The following SIPA1L1 variants were observed in gnomAD, a reference collection of about 807,000 sequenced individuals.
The protein encoded by SIPA1L1 is signal induced proliferation associated 1 like 1.
A neutral mutation model predicts 162.7 loss-of-function variants in SIPA1L1; 26 were observed. That is an observed-to-expected ratio of 0.16 (90% CI 0.12 to 0.22). SIPA1L1 has a LOEUF of 0.22. Ranked by LOEUF, SIPA1L1 falls within the 10% of genes least tolerant of loss-of-function variation. The probability of loss-of-function intolerance (pLI) is 1.00; values close to 1 mark genes in which losing one functional copy is unlikely to be tolerated. For missense variants in SIPA1L1, 1,874 were observed against 2,241.0 expected, an observed-to-expected ratio of 0.84 and a Z score of 3.31; for synonymous variants, 829 against 837.4, an observed-to-expected ratio of 0.99 and a Z score of 0.17.
chr14:71,355,878 G>C (rs1200470783), intron 2 of SIPA1L1, among the ~76,000 whole-genome samples: 3 of 152,200 alleles, frequency 2.0e-5, no homozygotes, highest in African/African-American at 7.2e-5. Flanking sequence ...ATGAGTGTTG[G>C]TTGGGGTTTT....
chr14:71,367,219 A>G (rs1379571026), intron 2 of SIPA1L1, among the ~76,000 whole-genome samples: 1 of 149,906 alleles, frequency 6.7e-6, no homozygotes, highest in Non-Finnish European at 1.5e-5. Flanking sequence ...AGCTGTATAC[A>G]TTTTTTCATA....
At chr14:71,384,004 A>G (rs1289558519) in intron 2 of SIPA1L1, among the ~76,000 whole-genome samples, 1 of 152,074 alleles carries the variant, frequency 6.6e-6, no homozygotes, top group Non-Finnish European at 1.5e-5. Flanking sequence ...GGGCCCTTCC[A>G]TGGGCTCAGG....
chr14:71,649,453 A>G (rs2042444539), intron 7 of SIPA1L1, among the ~76,000 whole-genome samples: 1 of 152,160 alleles, frequency 6.6e-6, no homozygotes, highest in Non-Finnish European at 1.5e-5. Context: ...CAGCCTCCCA[A>G]AGTGCTGGGA....
At chr14:71,325,254 C>G (rs1241019741) in intron 2 of SIPA1L1, among the ~76,000 whole-genome samples, 1 of 152,056 alleles carries the variant, frequency 6.6e-6, no homozygotes, top group Non-Finnish European at 1.5e-5. Flanking sequence ...TTTTCTATGC[C>G]TAGCTAATCA....
intron 13 of SIPA1L1, among the ~76,000 whole-genome samples, chr14:71,688,138 T>G (rs996768353): frequency 1.3e-5 from 2 of 152,208 alleles, no homozygotes; most frequent in Non-Finnish European, 2.9e-5. Context: ...GTAAAAAATA[T>G]CTTTTAAGTT....
At position 71,470,113 on chromosome 14, in the gene SIPA1L1, G is replaced by A. The variant is rs1179770694; in HGVS notation, c.-464-42630G>A. 2.6e-5 allele frequency among the ~76,000 whole-genome samples: 4 copies of A among 152,186 alleles called. 1 individual carries two copies. Among genetic ancestry groups the A allele is most frequent in the African/African-American group, 9.7e-5 (4 of 41,440 alleles). On this transcript the variant is annotated intron_variant, in intron 2 of 23. Coordinates refer to ENST00000381232, the MANE Select transcript of SIPA1L1 (RefSeq NM_001386936.1). ...TTGAGACAGGGAAATGATTAAATCT[G>A]TAAGGTAACATTTCTTCACACCAAG...
At chr14:71,397,285 G>C (rs1445444172) in intron 2 of SIPA1L1, among the ~76,000 whole-genome samples, 2 of 152,034 alleles carry the variant, frequency 1.3e-5, no homozygotes, top group Admixed American at 1.3e-4. Flanking sequence ...TCCGTGTGTT[G>C]TCAGTTTTAT....
At chr14:71,461,485 C>T (rs758230685) in intron 2 of SIPA1L1, among the ~76,000 whole-genome samples, 4 of 152,198 alleles carry the variant, frequency 2.6e-5, no homozygotes, top group Non-Finnish European at 5.9e-5. Context: ...TAAAATCCTC[C>T]TCTGCTGAGG....
intron 4 of SIPA1L1, among the ~76,000 whole-genome samples, chr14:71,578,828 C>T (rs535919972): frequency 6.6e-6 from 1 of 152,296 alleles, no homozygotes; most frequent in Admixed American, 6.5e-5. Flanking sequence ...GCACTTTTAC[C>T]ATCACTAGTG....
At chr14:71,621,786 C>T (rs1055197344) in intron 6 of SIPA1L1, among the ~76,000 whole-genome samples, 2 of 152,150 alleles carry the variant, frequency 1.3e-5, no homozygotes, top group Admixed American at 1.3e-4. Context: ...ACTTCCCCTC[C>T]TTGCCTGTCT....
chr14:71,619,133 A>G (rs536763035), intron 6 of SIPA1L1, among the ~76,000 whole-genome samples: 13 of 152,120 alleles, frequency 8.5e-5, no homozygotes, highest in Non-Finnish European at 1.9e-4. Context: ...AGAGAAAGAT[A>G]TGTCCATTAA....
chr14:71,701,938 A>G (rs1566687458), intron 14 of SIPA1L1, among the ~76,000 whole-genome samples: 1 of 152,250 alleles, frequency 6.6e-6, no homozygotes. Flanking sequence ...TGACTTAATG[A>G]TTTAGTAAAC....
At chr14:71,360,724 TGA>T (rs1314046082) in intron 2 of SIPA1L1, among the ~76,000 whole-genome samples, 2 of 152,216 alleles carry the variant, frequency 1.3e-5, no homozygotes, top group African/African-American at 2.4e-5. Context: ...ATGAACAGAA[TGA>T]GAGATCACTG....
chr14:71,469,646 G>A (rs1039685253), intron 2 of SIPA1L1, among the ~76,000 whole-genome samples: 2 of 152,170 alleles, frequency 1.3e-5, no homozygotes, highest in Non-Finnish European at 2.9e-5. Context: ...TTTGATGCAG[G>A]TCTGGACTTT....
intron 2 of SIPA1L1, among the ~76,000 whole-genome samples, chr14:71,496,418 T>G (rs903421037): frequency 6.6e-5 from 10 of 152,228 alleles, no homozygotes; most frequent in African/African-American, 2.4e-4. Context: ...TTTCAAGTAT[T>G]TGGAGATTTC....
chr14:71,698,939 C>T, intron 13 of SIPA1L1, 42 bp from the exon 14 acceptor site: 2 of 1,611,288 alleles, frequency 1.2e-6, no homozygotes, highest in Non-Finnish European at 1.7e-6. Context: ...TGGGATTTTC[C>T]CTTTGAATTG....
At chr14:71,720,624 A>G (rs1278217805) in intron 17 of SIPA1L1, among the ~76,000 whole-genome samples, 1 of 151,600 alleles carries the variant, frequency 6.6e-6, no homozygotes, top group Non-Finnish European at 1.5e-5. Context: ...GGCATGTTTC[A>G]TTCTTATTCT....
In SIPA1L1 at chr14:71,572,615, G is replaced by A. The variant is rs1186573680; in HGVS notation, c.-302-14956G>A. 2.0e-5 allele frequency among the ~76,000 whole-genome samples: 3 copies of A among 152,206 alleles called. No individual in the cohort carries two copies. In the East Asian group the frequency reaches 5.8e-4, roughly 29 times the overall value. The stretch of plus-strand genomic sequence containing the variant: ...ACCTCTTCAGGAGACCTAGAGATCA[G>A]CAGCTAGATTGGGGCATGAGAAGAG... On this transcript the variant is annotated intron_variant, in intron 4 of 23. Transcript: ENST00000381232.
chr14:71,456,650 T>G (rs1343075215), intron 2 of SIPA1L1, among the ~76,000 whole-genome samples: 1 of 152,252 alleles, frequency 6.6e-6, no homozygotes, highest in Non-Finnish European at 1.5e-5. Flanking sequence ...AAAGTTTATT[T>G]TCAGACAAAA....
Sources: allele counts gnomAD v4.1 joint callset (sites outside exome capture counted in the v4.1 genomes callset), GRCh38; gene constraint gnomAD v4.1.1; transcripts MANE v1.5; gene names NCBI Gene and HGNC (gene_info 2026-07-23, HGNC 2026-07-21).